CDC42BPA: variants seen among roughly 807,000 people sequenced by gnomAD.
The protein encoded by CDC42BPA is serine/threonine-protein kinase MRCK alpha.
CDC42BPA carries 80 observed loss-of-function variants against 223.5 expected under a neutral mutation model. The ratio of observed to expected loss-of-function variants is 0.36; its 90% CI spans 0.30 to 0.43. The LOEUF is 0.43. CDC42BPA is among the 20% of genes least tolerant of loss of function. The probability of loss-of-function intolerance (pLI) is 1.00; values close to 1 mark genes in which losing one functional copy is unlikely to be tolerated. For synonymous variants in CDC42BPA, 694 were observed against 718.6 expected (o/e 0.97, Z 0.55); for missense variants, 1,743 against 2,099.9 (o/e 0.83, Z 3.32).
chr1:227,258,974 G>A (rs1022206372), intron 1 of CDC42BPA, among the ~76,000 whole-genome samples: 2 of 151,060 alleles, frequency 1.3e-5, no homozygotes, highest in Non-Finnish European at 2.9e-5. Context: ...GATCTGTTGC[G>A]CTGGTAGATA....
chr1:227,119,782 A>C (rs1318531956), intron 12 of CDC42BPA, 22 bp downstream of exon 12: 4 of 1,481,960 alleles, frequency 2.7e-6, no homozygotes, highest in Non-Finnish European at 3.7e-6. Flanking sequence ...AAAAGCTTTA[A>C]TGATCTAGTC....
At chr1:227,163,478 T>C (rs1664471482) in intron 5 of CDC42BPA, among the ~76,000 whole-genome samples, 1 of 146,752 alleles carries the variant, frequency 6.8e-6, no homozygotes, top group Non-Finnish European at 1.5e-5. Context: ...CATCTTCAAC[T>C]GTGCTAGCAT....
chr1:227,206,490 A>C (rs531948247), intron 3 of CDC42BPA, among the ~76,000 whole-genome samples: 83 of 152,318 alleles, frequency 5.4e-4, no homozygotes, highest in African/African-American at 2.0e-3. Flanking sequence ...GTTGTACATA[A>C]ACCTCTGAAA....
At chr1:227,024,346 C>A (rs1667874134) in intron 31 of CDC42BPA, among the ~76,000 whole-genome samples, 1 of 152,156 alleles carries the variant, frequency 6.6e-6, no homozygotes, top group African/African-American at 2.4e-5. Flanking sequence ...GATAAGAATT[C>A]CTTTATGCTG....
intron 12 of CDC42BPA, among the ~76,000 whole-genome samples, chr1:227,118,453 G>A (rs1265274057): frequency 1.3e-5 from 2 of 152,048 alleles, no homozygotes; most frequent in Non-Finnish European, 2.9e-5. Flanking sequence ...CTGCCTATAG[G>A]ATATTAAGCA....
chr1:227,157,406 C>T (rs955254199), intron 6 of CDC42BPA, among the ~76,000 whole-genome samples: 3 of 152,074 alleles, frequency 2.0e-5, no homozygotes, highest in Non-Finnish European at 4.4e-5. Flanking sequence ...ACATTTTTTT[C>T]CTTCAGCACT....
At chr1:227,177,083 A>AC (rs5781472) in intron 5 of CDC42BPA, among the ~76,000 whole-genome samples, 126,822 of 150,560 alleles carry the variant, frequency 0.84, 53,713 homozygotes, top group Middle Eastern at 0.91. Context: ...TCAATATCCC[A>AC]AAAAACAACT....
chr1:227,012,971 C>A (rs1214625065), intron 34 of CDC42BPA, among the ~76,000 whole-genome samples: 1 of 151,898 alleles, frequency 6.6e-6, no homozygotes, highest in Non-Finnish European at 1.5e-5. Context: ...TAAAAAAGCC[C>A]CAGGTTATAT....
intron 1 of CDC42BPA, among the ~76,000 whole-genome samples, chr1:227,271,876 C>T (rs1686016410): frequency 6.6e-6 from 1 of 152,078 alleles, no homozygotes; most frequent in Admixed American, 6.5e-5. Context: ...TATCACACCA[C>T]TAATAATGTA....
At chr1:227,118,855 C>T (rs7535648) in intron 12 of CDC42BPA, among the ~76,000 whole-genome samples, 8,160 of 152,048 alleles carry the variant, frequency 0.054, 247 homozygotes, top group Non-Finnish European at 0.072. Context: ...TGGACCTATA[C>T]AAAAAAATTG....
intron 9 of CDC42BPA, 79 bp from the exon 10 acceptor site, chr1:227,139,821 G>A: frequency 1.2e-6 from 1 of 844,492 alleles, no homozygotes; most frequent in Non-Finnish European, 1.6e-6. Context: ...TTTAAAAATT[G>A]TTTTTAACTG....
At chr1:227,140,524 A>C (rs1392851896) in intron 9 of CDC42BPA, among the ~76,000 whole-genome samples, 1 of 152,166 alleles carries the variant, frequency 6.6e-6, no homozygotes, top group Non-Finnish European at 1.5e-5. Context: ...CCGAGACAAG[A>C]GTATGTCTGG....
chr1:227,148,645 C>T (rs953012633), intron 6 of CDC42BPA, among the ~76,000 whole-genome samples: 2 of 151,676 alleles, frequency 1.3e-5, no homozygotes, highest in African/African-American at 4.8e-5. Flanking sequence ...TGGATGCCTG[C>T]AGTCCCAGCT....
At chr1:227,019,677 G>A (rs968114241) in intron 32 of CDC42BPA, among the ~76,000 whole-genome samples, 9 of 126,226 alleles carry the variant, frequency 7.1e-5, no homozygotes, top group African/African-American at 1.2e-4. Context: ...GTTAGCAGAC[G>A]TGAAAATATC....
chr1:227,108,217 T>C (rs1686257621), intron 14 of CDC42BPA, among the ~76,000 whole-genome samples: 2 of 152,194 alleles, frequency 1.3e-5, no homozygotes, highest in Non-Finnish European at 2.9e-5. Context: ...CTTTTAGTCC[T>C]TCCTTTTAAT....
At chr1:227,101,529 G>C (rs1572818625) in intron 14 of CDC42BPA, among the ~76,000 whole-genome samples, 1 of 152,098 alleles carries the variant, frequency 6.6e-6, no homozygotes, top group East Asian at 1.9e-4. Context: ...ATGATTTCTT[G>C]CTTTACATTT....
rs71180714 is a variant in CDC42BPA at position 227,200,445 on chromosome 1, C to CAAA, written c.355-796_355-794dup. On this transcript the variant is annotated intron_variant, in intron 3 of 36. Coordinates refer to ENST00000366766, the MANE Select transcript of CDC42BPA (RefSeq NM_001394014.1). ...GACCTTGCCTTAAAAAACAAACAAA[C>CAAA]AAAAAAAAAACGAAAGAAAGAAAGA... Among the ~76,000 whole-genome samples, 653 of 109,116 alleles carry CAAA rather than the reference C, an allele frequency of 6.0e-3. 7 individuals are homozygous for CAAA. The highest frequency in any genetic ancestry group is 0.02 in the African/African-American group (613 of 30,218). The allele number at this position is 109,116 out of a possible 152,430, so 71.6% of individuals were successfully genotyped here. A position where few individuals can be genotyped will look rare whatever the true frequency, so the allele number is the denominator to read the frequency against.
At chr1:227,047,478 T>C (rs924925295) in intron 23 of CDC42BPA, among the ~76,000 whole-genome samples, 8 of 152,188 alleles carry the variant, frequency 5.3e-5, no homozygotes, top group African/African-American at 1.7e-4. Flanking sequence ...TGGAATTTCT[T>C]TGTGGGAGCT....
chr1:227,251,551 T>C (rs1399741055), intron 2 of CDC42BPA, among the ~76,000 whole-genome samples: 1 of 152,092 alleles, frequency 6.6e-6, no homozygotes, highest in Non-Finnish European at 1.5e-5. Flanking sequence ...AGATATTTAA[T>C]GAAAATACTA....
Sources: gnomAD v4.1 joint callset for allele counts (sites outside exome capture counted in the v4.1 genomes callset) on GRCh38, gnomAD v4.1.1 for gene constraint, MANE v1.5 for transcripts, NCBI Gene and HGNC (gene_info 2026-07-23, HGNC 2026-07-21) for gene names.